ZNF169: variants seen among roughly 807,000 people sequenced by gnomAD.
The protein encoded by ZNF169 is zinc finger protein 169.
Under a neutral mutation model 12.0 loss-of-function variants are expected in ZNF169, and 11 were observed. The ratio of observed to expected loss-of-function variants is 0.92; its 90% CI spans 0.58 to 1.52. ZNF169 has a LOEUF of 1.52. ZNF169 is among the 40% of genes most tolerant of loss of function. ZNF169 has a pLI of 0.00. For synonymous variants in ZNF169, 302 were observed against 286.5 expected (o/e 1.05, Z -0.55); for missense variants, 722 against 744.0 (o/e 0.97, Z 0.34).
rs755315188 is a variant in ZNF169 at position 94,300,701 on chromosome 9, T to C, written c.1143T>C (p.Arg381=). 6.2e-7 allele frequency: 1 copy of C among 1,612,722 alleles called. No homozygotes were observed. The highest frequency in any genetic ancestry group is 8.5e-7 in the Non-Finnish European group (1 of 1,179,568). Reference sequence around the variant, plus strand: ...CCTTCCTGTGCCTTGAGTGTGGGCGTAGCTTCAGGCAGCAGTCACTCCTCC... The same window carrying C: ...CCTTCCTGTGCCTTGAGTGTGGGCGCAGCTTCAGGCAGCAGTCACTCCTCC... ...ERPFLCLECG[R]SFRQQSLLLS... Residue 381 remains arginine (R), a synonymous_variant, in exon 5 of 5, where the codon CGT becomes CGC. Coordinates refer to ENST00000395395, the MANE Select transcript of ZNF169 (RefSeq NM_194320.4).
At chr9:94,268,910 G>A (rs1366025318) in intron 1 of ZNF169, among the ~76,000 whole-genome samples, 1 of 151,806 alleles carries the variant, frequency 6.6e-6, no homozygotes, top group African/African-American at 2.4e-5. Flanking sequence ...AGTCAACAGA[G>A]AAGAAAAAAC....
chr9:94,292,640 TGC>T lies in ZNF169; in HGVS notation c.160+177_160+178del. On this transcript the variant is annotated intron_variant, in intron 3 of 4. Coordinates refer to ENST00000395395, the MANE Select transcript of ZNF169 (RefSeq NM_194320.4). ...GTGTGTGTGTGTGTGTGTGTGTGTG[TGC>T]GCGTGCACATGCTGTGAGCGTGTGG... 19 of 740,034 alleles carry T rather than the reference TGC, an allele frequency of 2.6e-5. 1 individual carries two copies. The highest frequency in any genetic ancestry group is 3.9e-5 in the South Asian group (2 of 51,788). The allele number at this position is 740,034 out of a possible 1,614,324, so 45.8% of individuals were successfully genotyped here.
chr9:94,288,638 A>G, intron 2 of ZNF169: 1 of 378,222 alleles, frequency 2.6e-6, no homozygotes, highest in Non-Finnish European at 5.1e-6. Context: ...TATTTTTGTG[A>G]TCCTGAGTTC....
intron 4 of ZNF169, 141 bp from the exon 5 acceptor site, chr9:94,299,674 T>C: frequency 6.3e-6 from 9 of 1,438,726 alleles, no homozygotes; most frequent in Non-Finnish European, 8.2e-6. Context: ...GTGGGTTTTC[T>C]GTGCTGCAAT....
chr9:94,261,901 T>G (rs1477751623), intron 1 of ZNF169, among the ~76,000 whole-genome samples: 1 of 152,178 alleles, frequency 6.6e-6, no homozygotes, highest in African/African-American at 2.4e-5. Context: ...AAATAAGGAA[T>G]TTAAAGAAAA....
intron 2 of ZNF169, among the ~76,000 whole-genome samples, chr9:94,287,356 ATTGT>A (rs144633861): frequency 1.0e-3 from 153 of 151,358 alleles, no homozygotes; most frequent in Admixed American, 1.7e-3. Context: ...ATACTGCAAA[ATTGT>A]TTGTTTGTTT....
At chr9:94,293,283 G>A in intron 4 of ZNF169, 1 of 599,968 alleles carries the variant, frequency 1.7e-6, no homozygotes, top group South Asian at 2.0e-5. Flanking sequence ...CTCCATCAGG[G>A]AGCCTCACTC....
At chr9:94,272,998 T>C (rs915574318) in intron 1 of ZNF169, among the ~76,000 whole-genome samples, 3 of 152,206 alleles carry the variant, frequency 2.0e-5, no homozygotes, top group African/African-American at 7.2e-5. Context: ...CATCTTTTCA[T>C]ATGGTTCTTG....
intron 2 of ZNF169, among the ~76,000 whole-genome samples, chr9:94,282,490 G>A (rs373314265): frequency 3.9e-5 from 6 of 152,324 alleles, no homozygotes; most frequent in Middle Eastern, 3.4e-3. Flanking sequence ...TTACAGATAC[G>A]TGAGAGGGAC....
At chr9:94,275,338 G>T (rs1317028297) in intron 1 of ZNF169, among the ~76,000 whole-genome samples, 1 of 152,200 alleles carries the variant, frequency 6.6e-6, no homozygotes, top group East Asian at 1.9e-4. Flanking sequence ...GTAAGTTGGG[G>T]ACTGTAGTCC....
chr9:94,292,503 T>TG, intron 3 of ZNF169, 36 bp downstream of exon 3: 1 of 1,591,600 alleles, frequency 6.3e-7, no homozygotes, highest in Non-Finnish European at 8.6e-7. Flanking sequence ...AGATTCTGCT[T>TG]GTGGGTATTT....
rs1352866792 is a variant in ZNF169 at position 94,300,984 on chromosome 9, C to T, written c.1426C>T (p.His476Tyr). ...GFGQKVTLIR[H>Y]QRTHTGEKPY... Reference sequence around the variant, plus strand: ...TGGTCAGAAGGTCACCCTCATCAGACACCAGAGGACACACACAGGGGAGAA... The same window carrying T: ...TGGTCAGAAGGTCACCCTCATCAGATACCAGAGGACACACACAGGGGAGAA... The change falls in exon 5 of 5, where the codon CAC becomes TAC. Residue 476 changes from histidine (H) to tyrosine (Y), a missense_variant. Transcript: ENST00000395395. The T allele has an allele frequency of 1.9e-6, 3 of 1,614,100 alleles. No individual in the cohort carries two copies. Among genetic ancestry groups the T allele is most frequent in the East Asian group, 2.2e-5 (1 of 44,880 alleles).
Position 94,300,452 on chromosome 9 carries a change from C to G in ZNF169, c.894C>G (p.His298Gln), listed in dbSNP as rs1367285958. Residue 298 changes from histidine to glutamine, a missense_variant, in exon 5 of 5, where the codon CAC becomes CAG. Coordinates refer to ENST00000395395, the MANE Select transcript of ZNF169 (RefSeq NM_194320.4). ...ATGTGTGCAGGGAATGTGGGCGACA[C>G]TTCAGGTATACATCCTCTCTCACTA... ...KPYVCRECGR[H>Q]FRYTSSLTNH... 16 of 1,614,060 alleles carry G rather than the reference C, an allele frequency of 9.9e-6. No homozygotes were observed. The highest frequency in any genetic ancestry group is 1.4e-5 in the Non-Finnish European group (16 of 1,180,018).
chr9:94,267,918 T>C (rs1830323517), intron 1 of ZNF169, among the ~76,000 whole-genome samples: 1 of 140,306 alleles, frequency 7.1e-6, no homozygotes, highest in Admixed American at 8.0e-5. Flanking sequence ...CAGGATGGAG[T>C]GCAATGGTGT....
At chr9:94,260,430 G>A (rs998861545) in intron 1 of ZNF169, among the ~76,000 whole-genome samples, 1 of 152,142 alleles carries the variant, frequency 6.6e-6, no homozygotes, top group African/African-American at 2.4e-5. Context: ...CTAGGACCCG[G>A]GTTTGTGGGG....
intron 3 of ZNF169, chr9:94,292,731 C>T (rs1830870721): frequency 1.6e-6 from 1 of 617,932 alleles, no homozygotes; most frequent in Non-Finnish European, 2.8e-6. Context: ...TAAGGTTATC[C>T]TCCTTCAAAA....
chr9:94,292,978 T>G lies in ZNF169; in HGVS notation c.165T>G (p.Ile55Met). The change falls in exon 4 of 5, where the codon ATT (isoleucine) becomes ATG (methionine). Residue 55 changes from isoleucine to methionine, a missense_variant. Physicochemically the swap from Ile to Met is conservative, Grantham distance 10. Coordinates refer to ENST00000395395, the MANE Select transcript of ZNF169 (RefSeq NM_194320.4). Reference protein sequence around the residue: ...ENYSHLVSLGIAFSKPKLIEQ... With the variant: ...ENYSHLVSLGMAFSKPKLIEQ... ...GTTTTTTTTTCCTGTGAGTAGGAAT[T>G]GCATTTTCCAAACCAAAACTCATCG... is the stretch of plus-strand genomic sequence containing the variant. 6.2e-7 allele frequency: 1 copy of G among 1,610,518 alleles called. No homozygotes were observed. Among genetic ancestry groups the G allele is most frequent in the Non-Finnish European group, 8.5e-7 (1 of 1,177,892 alleles).
At chr9:94,281,820 T>C (rs1260185779) in intron 2 of ZNF169, among the ~76,000 whole-genome samples, 1 of 152,208 alleles carries the variant, frequency 6.6e-6, no homozygotes, top group Non-Finnish European at 1.5e-5. Flanking sequence ...CTGGAATCAA[T>C]AGAAAGAAGA....
chr9:94,301,709 T>G lies in ZNF169; in HGVS notation c.*339T>G, dbSNP rs1025190848. 1.6e-4 allele frequency among the ~76,000 whole-genome samples: 25 copies of G among 152,180 alleles called. No homozygotes were observed. The highest frequency in any genetic ancestry group is 5.3e-4 in the African/African-American group (22 of 41,444). On this transcript the variant is annotated 3_prime_UTR_variant, in exon 5 of 5. Coordinates refer to ENST00000395395, the MANE Select transcript of ZNF169 (RefSeq NM_194320.4). ...GGCCACGTCCTCACGTGGGCTTTTTTCTGTGTGTATGCTTTCCTGGTGTGG... is the reference window on the plus strand; with the variant it reads ...GGCCACGTCCTCACGTGGGCTTTTTGCTGTGTGTATGCTTTCCTGGTGTGG...
Sources: allele counts gnomAD v4.1 joint callset (sites outside exome capture counted in the v4.1 genomes callset), GRCh38; gene constraint gnomAD v4.1.1; transcripts MANE v1.5; gene names NCBI Gene and HGNC (gene_info 2026-07-23, HGNC 2026-07-21).